Variants in USP7 observed in about 807,000 individuals in gnomAD.
The protein encoded by USP7 is ubiquitin specific peptidase 7, also known as ubiquitin C-terminal hydrolase 7.
A neutral mutation model predicts 162.9 loss-of-function variants in USP7; 9 were observed. The observed-to-expected ratio is 0.06, with a 90% CI of 0.03 to 0.10. USP7 has a LOEUF of 0.10. Ranked by LOEUF, USP7 falls within the 10% of genes least tolerant of loss-of-function variation. The probability of loss-of-function intolerance (pLI) is 1.00; values close to 1 mark genes in which losing one functional copy is unlikely to be tolerated. For missense variants in USP7, 715 were observed against 1,373.7 expected (o/e 0.52, Z 7.58); for synonymous variants, 562 against 475.9 (o/e 1.18, Z -2.35).
intron 16 of USP7, 66 bp from the exon 17 acceptor site, chr16:8,902,548 C>A: frequency 7.7e-7 from 1 of 1,294,020 alleles, no homozygotes; most frequent in Non-Finnish European, 1.1e-6. Context: ...CTATATTACA[C>A]ACACATATGT....
At chr16:8,904,696 A>C (rs533512521) in intron 14 of USP7, 131 bp from the exon 15 acceptor site, 76,376 of 1,361,806 alleles carry the variant, frequency 0.056, 2,473 homozygotes, top group Middle Eastern at 0.09. Context: ...TAATCCCAGC[A>C]CTTTGGGAGG....
At chr16:8,932,885 C>T (rs555541984) in intron 1 of USP7, among the ~76,000 whole-genome samples, 173 of 150,602 alleles carry the variant, frequency 1.1e-3, no homozygotes, top group Non-Finnish European at 2.2e-3. Flanking sequence ...TATTTATGTA[C>T]TAACTGAATA....
chr16:8,931,977 G>T (rs1898374654), intron 1 of USP7, among the ~76,000 whole-genome samples: 1 of 152,164 alleles, frequency 6.6e-6, no homozygotes, highest in African/African-American at 2.4e-5. Context: ...AGTTGTGTGT[G>T]TGGCCTTCAC....
At chr16:8,937,532 ACT>A (rs1222526781) in intron 1 of USP7, among the ~76,000 whole-genome samples, 1 of 151,610 alleles carries the variant, frequency 6.6e-6, no homozygotes, top group Non-Finnish European at 1.5e-5. Context: ...ACAGAGTAAA[ACT>A]CTGTCTCAAA....
chr16:8,949,108 G>C (rs1899433281), intron 1 of USP7, among the ~76,000 whole-genome samples: 1 of 152,212 alleles, frequency 6.6e-6, no homozygotes, highest in Non-Finnish European at 1.5e-5. Flanking sequence ...ACACAATTGT[G>C]AATACTAAAA....
At chr16:8,961,563 G>T (rs767803740) in intron 1 of USP7, among the ~76,000 whole-genome samples, 1 of 148,094 alleles carries the variant, frequency 6.8e-6, no homozygotes, top group Non-Finnish European at 1.5e-5. Flanking sequence ...CAAAGATACA[G>T]GTCTGTAACA....
chr16:8,930,890 A>C (rs1364404438), intron 1 of USP7, among the ~76,000 whole-genome samples: 1 of 151,750 alleles, frequency 6.6e-6, no homozygotes, highest in Non-Finnish European at 1.5e-5. Flanking sequence ...AATCACTTGA[A>C]CTCAGGAGGC....
intron 2 of USP7, among the ~76,000 whole-genome samples, chr16:8,927,327 A>C (rs1898065701): frequency 6.6e-6 from 1 of 152,126 alleles, no homozygotes; most frequent in Non-Finnish European, 1.5e-5. Flanking sequence ...AAAGAAAAAA[A>C]AAAAGAAAGA....
At chr16:8,951,209 ATTGTT>A (rs1899530747) in intron 1 of USP7, among the ~76,000 whole-genome samples, 1 of 1,794 alleles carries the variant, frequency 5.6e-4, no homozygotes, top group Non-Finnish European at 5.4e-3. Flanking sequence ...CAAACTAAAT[ATTGTT>A]TCCAAAGTTG....
intron 1 of USP7, among the ~76,000 whole-genome samples, chr16:8,948,414 G>C (rs764059923): frequency 6.6e-6 from 1 of 152,050 alleles, no homozygotes; most frequent in African/African-American, 2.4e-5. Flanking sequence ...CAAACCCCTG[G>C]GCTCAAGCTA....
intron 13 of USP7, among the ~76,000 whole-genome samples, chr16:8,906,204 C>A (rs2061857111): frequency 6.6e-6 from 1 of 152,212 alleles, no homozygotes; most frequent in Non-Finnish European, 1.5e-5. Context: ...CTGTAGGGCC[C>A]AACATTGATT....
intron 1 of USP7, among the ~76,000 whole-genome samples, chr16:8,945,098 A>G (rs555386197): frequency 7.2e-5 from 11 of 152,348 alleles, no homozygotes; most frequent in African/African-American, 2.6e-4. Context: ...CTAAATAAAA[A>G]TACAGAAATT....
chr16:8,915,451 T>G lies in USP7; in HGVS notation c.981A>C (p.Lys327Asn). The part of the protein sequence containing the change: ...EGTIPKLFRG[K>N]MVSYIQCKEV... ...AGAACTGGTAGCCACATACCACCAT[T>G]TTGCCGCGGAATAATTTGGGTATGG... The change falls in exon 9 of 31, where the codon AAA (lysine) becomes AAC (asparagine). Residue 327 changes from lysine (K) to asparagine (N), a missense_variant. Lys to Asn is a moderately conservative substitution (Grantham distance 94). Transcript: ENST00000344836. 1.2e-6 allele frequency: 2 copies of G among 1,613,858 alleles called. No individual in the cohort carries two copies. The highest frequency in any genetic ancestry group is 1.7e-6 in the Non-Finnish European group (2 of 1,180,010).
chr16:8,894,725 C>T (rs988905782), intron 29 of USP7, 59 bp downstream of exon 29: 11 of 1,612,724 alleles, frequency 6.8e-6, no homozygotes, highest in African/African-American at 4.0e-5. Flanking sequence ...TAGGCCGCTA[C>T]GCTAGGCAAG....
rs2061653999 is a variant in USP7, at chr16:8,894,610, G to A, written c.3142C>T (p.His1048Tyr). 3 of 1,613,782 alleles carry A rather than the reference G, an allele frequency of 1.9e-6. No homozygotes were observed. Among genetic ancestry groups the A allele is most frequent in the Non-Finnish European group, 2.5e-6 (3 of 1,180,020 alleles). Residue 1048 changes from histidine (H) to tyrosine (Y), a missense_variant, in exon 30 of 31, where the codon CAC becomes TAC. Physicochemically the swap from His to Tyr is moderately conservative, Grantham distance 83. This residue lies in a region of USP7 where 222 missense variants were observed against 441.7 expected (regional missense o/e 0.50). Coordinates refer to ENST00000344836, the MANE Select transcript of USP7 (RefSeq NM_003470.3). ...TACTCGTCTTCATTTATGTACTGGT[G>A]TCGGCCCATCATTACAATTGCAAAT... ...FKFAIVMMGR[H>Y]QYINEDEYEV... is the part of the protein sequence containing the mutation.
intron 29 of USP7, 54 bp downstream of exon 29, chr16:8,894,730 G>C: frequency 1.9e-6 from 3 of 1,613,876 alleles, no homozygotes; most frequent in East Asian, 2.2e-5. Context: ...CGCTACGCTA[G>C]GCAAGGCTTG....
rs139769784 is a variant in USP7, at chr16:8,920,439, G to T, written c.531C>A (p.Thr177=). 6.2e-7 allele frequency: 1 copy of T among 1,611,778 alleles called. No individual in the cohort carries two copies. The highest frequency in any genetic ancestry group is 1.1e-5 in the South Asian group (1 of 90,502). Residue 177 remains threonine (T), a synonymous_variant, in exon 5 of 31, where the codon ACC becomes ACA. Transcript: ENST00000344836. Reference sequence around the variant, plus strand: ...CATCTATAAATCCTTTCTCAGGATCGGTCACTTCCTATAAAACATAAATAA... The same window carrying T: ...CATCTATAAATCCTTTCTCAGGATCTGTCACTTCCTATAAAACATAAATAA... ...FSNFMAWSEV[T]DPEKGFIDDD...
intron 1 of USP7, among the ~76,000 whole-genome samples, chr16:8,955,380 G>A (rs1021070066): frequency 6.6e-6 from 1 of 152,006 alleles, no homozygotes; most frequent in Non-Finnish European, 1.5e-5. Context: ...AAAGTGCTGG[G>A]ATTACAGGCA....
intron 1 of USP7, among the ~76,000 whole-genome samples, chr16:8,959,039 A>C (rs1407304417): frequency 2.0e-5 from 3 of 152,168 alleles, no homozygotes; most frequent in Non-Finnish European, 4.4e-5. Flanking sequence ...TCTTGGCTGC[A>C]AAAGCCCTAC....
Sources: gnomAD v4.1 joint callset for allele counts (sites outside exome capture counted in the v4.1 genomes callset) on GRCh38, gnomAD v4.1.1 for gene constraint, gnomAD v4.1.1 regional missense constraint, MANE v1.5 for transcripts, NCBI Gene and HGNC (gene_info 2026-07-23, HGNC 2026-07-21) for gene names.